MBP: variants seen among roughly 807,000 people sequenced by gnomAD.
MBP encodes Golli-MBP.
In MBP, 16 loss-of-function variants were observed where a neutral mutation model predicts 35.8. The ratio of observed to expected loss-of-function variants is 0.45; its 90% CI spans 0.30 to 0.68. The LOEUF (loss-of-function observed/expected upper bound fraction) is 0.68, where lower values mean the gene tolerates loss of function less well. MBP is among the 30% of genes least tolerant of loss of function. The probability of loss-of-function intolerance (pLI) is 0.08; values close to 1 mark genes in which losing one functional copy is unlikely to be tolerated. For missense variants in MBP, 380 were observed against 404.7 expected (o/e 0.94, Z 0.52); for synonymous variants, 143 against 159.6 (o/e 0.90, Z 0.78).
chr18:77,031,320 C>T (rs1972533552), intron 3 of MBP, among the ~76,000 whole-genome samples: 1 of 152,232 alleles, frequency 6.6e-6, no homozygotes, highest in Non-Finnish European at 1.5e-5. Flanking sequence ...AGGCTGTGAG[C>T]ATGCCCGCCC....
chr18:77,032,550 G>A (rs1269852237), intron 3 of MBP, among the ~76,000 whole-genome samples: 2 of 152,242 alleles, frequency 1.3e-5, no homozygotes, highest in Non-Finnish European at 2.9e-5. Context: ...CGGGGTCGGC[G>A]AGGCGCGGCC....
Position 77,023,668 on chromosome 18 carries a change from G to A in MBP, c.140-6400C>T, listed in dbSNP as rs115147261. Among the ~76,000 whole-genome samples, 809 of 152,154 alleles carry A rather than the reference G, an allele frequency of 5.3e-3. 4 individuals carry two copies. The highest frequency in any genetic ancestry group is 0.018 in the African/African-American group (768 of 41,522). ...CCATTGGGTTCCCTTGTTCTCCTCCGTGGCGCCATGTGCAATGCTGCAGGC... is the reference window on the plus strand; with the variant it reads ...CCATTGGGTTCCCTTGTTCTCCTCCATGGCGCCATGTGCAATGCTGCAGGC... On this transcript the variant is annotated intron_variant, in intron 3 of 8. Coordinates refer to ENST00000355994, the MANE Select transcript of MBP (RefSeq NM_001025101.2).
intron 2 of MBP, among the ~76,000 whole-genome samples, chr18:77,098,204 A>G (rs1474716174): frequency 7.5e-6 from 1 of 132,598 alleles, no homozygotes; most frequent in African/African-American, 2.7e-5. Flanking sequence ...TAATAGCAAT[A>G]AGAAGAAAAT....
At chr18:77,130,296 G>A (rs1977197746) in intron 1 of MBP, among the ~76,000 whole-genome samples, 1 of 151,282 alleles carries the variant, frequency 6.6e-6, no homozygotes, top group Middle Eastern at 3.4e-3. Context: ...GCGGTGCAGA[G>A]CAGCAGTCAG....
chr18:76,995,871 A>G (rs74926724), intron 4 of MBP, among the ~76,000 whole-genome samples: 3,549 of 152,330 alleles, frequency 0.023, 152 homozygotes, highest in East Asian at 0.17. Context: ...TTTGTTTTAC[A>G]AAAGACACCA....
rs1969093468 is a variant in MBP, at chr18:76,980,091, G to A, written c.*336C>T. On this transcript the variant is annotated 3_prime_UTR_variant, in exon 9 of 9. Coordinates refer to ENST00000355994, the MANE Select transcript of MBP (RefSeq NM_001025101.2). ...AAGGGTGCCGCAGCCACGGCGAAAA[G>A]AAAGTCCAAGGGTGGAGGGGTGAAC... 2.9e-6 allele frequency: 2 copies of A among 697,622 alleles called. No individual in the cohort carries two copies. The highest frequency in any genetic ancestry group is 5.2e-6 in the Non-Finnish European group (2 of 383,640). The allele number at this position is 697,622 out of a possible 1,614,324, so 43.2% of individuals were successfully genotyped here.
At chr18:77,075,616 CATG>C (rs1243925747) in intron 2 of MBP, among the ~76,000 whole-genome samples, 2 of 152,168 alleles carry the variant, frequency 1.3e-5, no homozygotes, top group African/African-American at 2.4e-5. Flanking sequence ...ACTGCTGAAA[CATG>C]ATGATGTTTT....
intron 2 of MBP, among the ~76,000 whole-genome samples, chr18:77,087,988 G>A (rs1975331338): frequency 6.6e-6 from 1 of 152,054 alleles, no homozygotes; most frequent in Admixed American, 6.5e-5. Context: ...GAGCAGGCAG[G>A]TTCCCACCCT....
intron 4 of MBP, chr18:77,014,162 C>G: frequency 1.0e-6 from 1 of 985,414 alleles, no homozygotes; most frequent in African/African-American, 1.7e-5. Flanking sequence ...AAAGAATATG[C>G]CTTCTCAAGG....
chr18:76,999,362 C>A (rs189708437), intron 4 of MBP, among the ~76,000 whole-genome samples: 5 of 152,256 alleles, frequency 3.3e-5, no homozygotes, highest in Admixed American at 2.6e-4. Context: ...AGCTGCGGCC[C>A]CAGGAACGCT....
upstream of MBP, among the ~76,000 whole-genome samples, chr18:77,133,348 C>T (rs986559592): frequency 6.6e-6 from 1 of 152,184 alleles, no homozygotes; most frequent in Non-Finnish European, 1.5e-5. Flanking sequence ...GAGCTGGGAG[C>T]TAGGGGCGCA....
At chr18:77,122,086 G>A (rs760862176) in intron 1 of MBP, among the ~76,000 whole-genome samples, 3 of 152,138 alleles carry the variant, frequency 2.0e-5, no homozygotes, top group Admixed American at 6.5e-5. Flanking sequence ...GAAAGTATAG[G>A]CTCTTGCTGT....
chr18:77,099,106 G>A (rs1485265356), intron 2 of MBP, among the ~76,000 whole-genome samples: 1 of 152,100 alleles, frequency 6.6e-6, no homozygotes, highest in African/African-American at 2.4e-5. Flanking sequence ...ATCTCTCAGG[G>A]AAAAATATTG....
chr18:77,055,601 CTT>C (rs1491467361), intron 3 of MBP, among the ~76,000 whole-genome samples: 1 of 151,140 alleles, frequency 6.6e-6, no homozygotes, highest in African/African-American at 2.4e-5. Context: ...CTCTCTCTCT[CTT>C]TCTTTCTCTT....
At chr18:77,049,269 G>A (rs1456254253) in intron 3 of MBP, among the ~76,000 whole-genome samples, 9 of 152,178 alleles carry the variant, frequency 5.9e-5, no homozygotes, top group Admixed American at 3.9e-4. Flanking sequence ...CCTGCCTGAC[G>A]CGGTTTCTGG....
At chr18:77,030,764 C>T (rs141007134) in intron 3 of MBP, among the ~76,000 whole-genome samples, 242 of 152,310 alleles carry the variant, frequency 1.6e-3, no homozygotes, top group Non-Finnish European at 2.7e-3. Context: ...CTTTTTTAAA[C>T]ATACACATTT....
At chr18:76,995,374 T>C (rs146947294) in intron 4 of MBP, among the ~76,000 whole-genome samples, 1 of 152,136 alleles carries the variant, frequency 6.6e-6, no homozygotes, top group East Asian at 1.9e-4. Flanking sequence ...GGAGCAAAAA[T>C]AGCCAAACAA....
intron 3 of MBP, among the ~76,000 whole-genome samples, chr18:77,028,525 G>GA (rs1318487301): frequency 1.0e-5 from 1 of 100,004 alleles, no homozygotes; most frequent in East Asian, 3.0e-4. Context: ...CAGACGGGGT[G>GA]GTGGCCGGGC....
At chr18:77,088,566 G>A (rs1335292196) in intron 2 of MBP, among the ~76,000 whole-genome samples, 1 of 152,184 alleles carries the variant, frequency 6.6e-6, no homozygotes, top group African/African-American at 2.4e-5. Flanking sequence ...ATAATCACAT[G>A]CAGATTAAAA....
Sources: allele counts gnomAD v4.1 joint callset (sites outside exome capture counted in the v4.1 genomes callset), GRCh38; gene constraint gnomAD v4.1.1; transcripts MANE v1.5; gene names NCBI Gene and HGNC (gene_info 2026-07-23, HGNC 2026-07-21).